ARMCX4: variants seen among roughly 807,000 people sequenced by gnomAD.
ARMCX4 encodes armadillo repeat-containing X-linked protein 4.
A neutral mutation model predicts 34.7 loss-of-function variants in ARMCX4; 3 were observed. The observed-to-expected ratio is 0.09, with a 90% CI of 0.04 to 0.22. The LOEUF (loss-of-function observed/expected upper bound fraction) is 0.22. ARMCX4 is among the 10% of genes least tolerant of loss of function. The pLI is 1.00. For synonymous variants in ARMCX4, 513 were observed against 632.8 expected (o/e 0.81, Z 2.84); for missense variants, 1,448 against 1,720.8 (o/e 0.84, Z 2.81).
chrX:101,462,086 G>A (rs782040553), intron 4 of ARMCX4, among the ~76,000 whole-genome samples: 109 of 111,894 alleles, frequency 9.7e-4, no homozygotes, highest in Non-Finnish European at 1.8e-3. Context: ...AAGTGAAATA[G>A]GAAAATTGCA....
At position 101,432,210 on chromosome X, in the gene ARMCX4, C is replaced by T. The variant is rs782598832; in HGVS notation, n.165-11842C>T. 9.8e-5 allele frequency among the ~76,000 whole-genome samples: 11 copies of T among 111,703 alleles called. No individual in the cohort carries two copies. The East Asian group carries it at 3.1e-3, about 31-fold the overall frequency. ...AATGACAACTTAGCCTTGAAGCCCT[C>T]TATGACCACTCTTGACCCTATATGT... is the stretch of plus-strand genomic sequence containing the variant. On this transcript the variant is annotated intron_variant and non_coding_transcript_variant, in intron 2 of 3. Coordinates refer to the ARMCX4 transcript ENST00000430461.
At chrX:101,477,804 G>T (rs372098010) in intron 4 of ARMCX4, among the ~76,000 whole-genome samples, 3 of 111,549 alleles carry the variant, frequency 2.7e-5, no homozygotes, top group Non-Finnish European at 5.6e-5. Context: ...TGTCACTACC[G>T]TGTGAGGTTT....
chrX:101,421,837 G>A (rs782486543), intron 2 of ARMCX4, among the ~76,000 whole-genome samples: 1 of 110,167 alleles, frequency 9.1e-6, no homozygotes, highest in South Asian at 3.9e-4. Context: ...TACTGCAACC[G>A]CCCAGTGGGT....
At chrX:101,516,618 G>A (rs1315344761) in intron 11 of ARMCX4, 1 of 111,200 alleles carries the variant, frequency 9.0e-6, no homozygotes, top group South Asian at 3.8e-4. Context: ...TCAGGCTGGC[G>A]GGAGCAGGAG....
At chrX:101,441,482 G>A (rs1343698567) in intron 2 of ARMCX4, among the ~76,000 whole-genome samples, 4 of 111,040 alleles carry the variant, frequency 3.6e-5, no homozygotes, top group African/African-American at 6.6e-5. Context: ...GAGAAGGTCA[G>A]TGGTCAGCAC....
chrX:101,497,246 T>A (rs2147682322), downstream of ARMCX4, among the ~76,000 whole-genome samples: 1 of 111,175 alleles, frequency 9.0e-6, no homozygotes, highest in Non-Finnish European at 1.9e-5. Context: ...TTCTTTTTTT[T>A]TTTGTTTTAA....
chrX:101,433,927 A>T (rs782056400), intron 2 of ARMCX4, among the ~76,000 whole-genome samples: 1 of 109,848 alleles, frequency 9.1e-6, no homozygotes, highest in East Asian at 2.8e-4. Context: ...TAAAAAGAAG[A>T]TATCTTGGGT....
chrX:101,487,063 T>A (rs1933762862), intron 2 of ARMCX4, 130 bp from the exon 3 acceptor site: 1 of 105,611 alleles, frequency 9.5e-6, no homozygotes, highest in South Asian at 4.3e-4. Flanking sequence ...CCAGGCTTTT[T>A]TTTTTTTTTT....
chrX:101,480,678 G>A (rs1311347661), upstream of ARMCX4, among the ~76,000 whole-genome samples: 2 of 112,294 alleles, frequency 1.8e-5, no homozygotes, highest in African/African-American at 3.2e-5. Context: ...ATACAGAAAT[G>A]TGTAAAGAAC....
rs377050560 is a variant in ARMCX4 at position 101,431,818 on chromosome X, T to C, written n.165-12234T>C. Among the ~76,000 whole-genome samples, 518 of 112,573 alleles carry C rather than the reference T, an allele frequency of 4.6e-3. 2 individuals carry two copies. In the South Asian group the frequency reaches 0.06, roughly 13 times the overall value. ...TCAGCCTCCCAAAGTGCTGGGATTA[T>C]AGGCGTGAGCCACCACGCCTGGCCT... On this transcript the variant is annotated intron_variant and non_coding_transcript_variant, in intron 2 of 3. Transcript: ENST00000430461.
intron 2 of ARMCX4, among the ~76,000 whole-genome samples, chrX:101,423,697 T>A (rs1443015535): frequency 9.0e-6 from 1 of 110,563 alleles, no homozygotes; most frequent in Admixed American, 9.6e-5. Flanking sequence ...GGCTCCTAGG[T>A]AGATTTAGGA....
In ARMCX4 at chrX:101,429,931, C is replaced by T. The variant is rs1457101177; in HGVS notation, n.164+10931C>T. Among the ~76,000 whole-genome samples, 3 of 111,351 alleles carry T rather than the reference C, an allele frequency of 2.7e-5. No individual in the cohort carries two copies. In the Admixed American group the frequency reaches 2.9e-4, roughly 11 times the overall value. On this transcript the variant is annotated intron_variant and non_coding_transcript_variant, in intron 2 of 3. Coordinates refer to the ARMCX4 transcript ENST00000430461. ...GAGAAGGCTTTTTTATTGGCTTCCA[C>T]GACATTCCTGGGTGGTTGGTTTGAG...
chrX:101,432,615 C>G (rs1280349211), intron 2 of ARMCX4, among the ~76,000 whole-genome samples: 1 of 108,625 alleles, frequency 9.2e-6, no homozygotes, highest in Non-Finnish European at 1.9e-5. Context: ...GAGCCGAGAT[C>G]CTGCCCCTGC....
Position 101,424,350 on chromosome X carries a change from A to G in ARMCX4, n.164+5350A>G, listed in dbSNP as rs369470837. Among the ~76,000 whole-genome samples the G allele has an allele frequency of 1.3e-4, 15 of 111,443 alleles. 3 individuals carry two copies. The highest frequency in any genetic ancestry group is 1.1e-3 in the East Asian group (4 of 3,555). ...TATGCTTTGTAATATCCTTTATAAT[A>G]AACCTGTAAACATGTTTTTCAGAGT... On this transcript the variant is annotated intron_variant and non_coding_transcript_variant, in intron 2 of 3. Transcript: ENST00000430461.
At chrX:101,470,218 G>A (rs970745808) in intron 4 of ARMCX4, among the ~76,000 whole-genome samples, 2 of 112,279 alleles carry the variant, frequency 1.8e-5, no homozygotes, top group East Asian at 2.8e-4. Flanking sequence ...TTATCACCAC[G>A]GATTAGTTTC....
chrX:101,420,256 G>A (rs1235561939), intron 2 of ARMCX4, among the ~76,000 whole-genome samples: 1 of 111,767 alleles, frequency 8.9e-6, no homozygotes, highest in African/African-American at 3.3e-5. Context: ...CTACTTGGGA[G>A]GCTGAGGCAG....
At chrX:101,497,346 C>T (rs782243540), downstream of ARMCX4, among the ~76,000 whole-genome samples, 1 of 110,384 alleles carries the variant, frequency 9.1e-6, no homozygotes, top group African/African-American at 3.3e-5. Flanking sequence ...AAGCGATTCT[C>T]CTGCCTCAGC....
chrX:101,522,136 T>C (rs1286774617), intron 11 of ARMCX4, among the ~76,000 whole-genome samples: 3 of 111,840 alleles, frequency 2.7e-5, no homozygotes, highest in Non-Finnish European at 5.6e-5. Flanking sequence ...ATTGTATATT[T>C]TTCCAATTCT....
intron 2 of ARMCX4, among the ~76,000 whole-genome samples, chrX:101,440,371 G>A (rs6616243): frequency 0.49 from 54,444 of 110,438 alleles, 10,720 homozygotes; most frequent in Non-Finnish European, 0.62. Context: ...GCCGTGTGAG[G>A]TGTCAGTCTG....
Sources: allele counts gnomAD v4.1 joint callset (sites outside exome capture counted in the v4.1 genomes callset), GRCh38; gene constraint gnomAD v4.1.1; transcripts MANE v1.5; gene names NCBI Gene and HGNC (gene_info 2026-07-23, HGNC 2026-07-21).